CYTH1: variants seen among roughly 807,000 people sequenced by gnomAD.
CYTH1 encodes the protein cytohesin 1.
CYTH1 carries 18 observed loss-of-function variants against 61.8 expected under a neutral mutation model. The ratio of observed to expected loss-of-function variants is 0.29; its 90% CI spans 0.20 to 0.43. The LOEUF is 0.43. Among genes scored for constraint, CYTH1 ranks in the 20% least tolerant of loss-of-function variants. CYTH1 has a pLI of 1.00. For missense variants in CYTH1, 336 were observed against 510.5 expected, an observed-to-expected ratio of 0.66 and a Z score of 3.29; for synonymous variants, 174 against 184.3, an observed-to-expected ratio of 0.94 and a Z score of 0.45.
At chr17:78,707,968 C>T (rs34647716) in intron 3 of CYTH1, among the ~76,000 whole-genome samples, 10,375 of 152,156 alleles carry the variant, frequency 0.068, 720 homozygotes, top group African/African-American at 0.17. Flanking sequence ...CGTGAGCCAC[C>T]GCGCCCGGCC....
chr17:78,749,675 C>A (rs947395524), intron 1 of CYTH1, among the ~76,000 whole-genome samples: 2 of 151,564 alleles, frequency 1.3e-5, no homozygotes, highest in East Asian at 2.0e-4. Context: ...TAAAAAAAAA[C>A]CTAACTAAGC....
intron 1 of CYTH1, among the ~76,000 whole-genome samples, chr17:78,711,294 AAATAAATAATAT>A (rs774879254): frequency 3.5e-5 from 4 of 114,002 alleles, no homozygotes; most frequent in East Asian, 2.3e-4. Context: ...ATAAATAAAT[AAATAAATAATAT>A]ATATATATAC....
At chr17:78,750,919 C>G (rs1257058720) in intron 1 of CYTH1, among the ~76,000 whole-genome samples, 1 of 152,066 alleles carries the variant, frequency 6.6e-6, no homozygotes, top group Non-Finnish European at 1.5e-5. Context: ...CTTTTGTCAA[C>G]TGAACAATAC....
chr17:78,704,473 A>G (rs1222096261), intron 3 of CYTH1, among the ~76,000 whole-genome samples: 1 of 152,082 alleles, frequency 6.6e-6, no homozygotes, highest in Non-Finnish European at 1.5e-5. Context: ...AGCTAAATCC[A>G]TGGAGGGAAG....
intron 1 of CYTH1, among the ~76,000 whole-genome samples, chr17:78,758,553 A>T (rs1471511737): frequency 6.6e-6 from 1 of 152,114 alleles, no homozygotes; most frequent in African/African-American, 2.4e-5. Flanking sequence ...AAAAATAAAA[A>T]ATTAGCCGGG....
chr17:78,708,126 A>G (rs1056281578), intron 3 of CYTH1, 71 bp downstream of exon 3: 4 of 1,483,160 alleles, frequency 2.7e-6, no homozygotes, highest in East Asian at 2.3e-5. Context: ...GTGCCACGTA[A>G]GCATAATTAA....
At chr17:78,782,128 G>A (rs1598937995) in intron 1 of CYTH1, 74 bp downstream of exon 1, 7 of 1,196,688 alleles carry the variant, frequency 5.8e-6, no homozygotes, top group East Asian at 3.6e-5. Flanking sequence ...CGCCGCAAGC[G>A]CTGCCGGACG....
At chr17:78,699,596 C>T (rs1325033846) in intron 7 of CYTH1, among the ~76,000 whole-genome samples, 2 of 152,182 alleles carry the variant, frequency 1.3e-5, no homozygotes, top group African/African-American at 4.8e-5. Flanking sequence ...CATAATCCCA[C>T]TATCTAGCAA....
At chr17:78,733,383 C>T (rs577598307) in intron 1 of CYTH1, among the ~76,000 whole-genome samples, 25 of 152,282 alleles carry the variant, frequency 1.6e-4, no homozygotes, top group Middle Eastern at 6.8e-3. Flanking sequence ...TCAATGAGTA[C>T]AAATAATCTA....
At chr17:78,749,156 C>T (rs560206710) in intron 1 of CYTH1, among the ~76,000 whole-genome samples, 68 of 152,258 alleles carry the variant, frequency 4.5e-4, no homozygotes, top group African/African-American at 1.5e-3. Flanking sequence ...AATCCCAGCA[C>T]TTTGGGAGGC....
chr17:78,702,280 G>A (rs766440627), intron 4 of CYTH1, 40 bp from the exon 5 acceptor site: 18 of 1,525,744 alleles, frequency 1.2e-5, no homozygotes, highest in Admixed American at 1.7e-5. Context: ...TGCTTTGCTG[G>A]GAAACAGTTG....
chr17:78,748,261 A>C, intron 1 of CYTH1, among the ~76,000 whole-genome samples: 1 of 152,248 alleles, frequency 6.6e-6, no homozygotes, highest in South Asian at 2.1e-4. Flanking sequence ...ACTCTATGGA[A>C]CCAGCTTGGC....
intron 1 of CYTH1, among the ~76,000 whole-genome samples, chr17:78,712,178 GAGGT>G (rs140600196): frequency 0.11 from 14,071 of 123,492 alleles, 979 homozygotes; most frequent in Middle Eastern, 0.18. Flanking sequence ...GGGAGGGAGG[GAGGT>G]AGGAGAGAGA....
chr17:78,696,844 C>T (rs1282793390), intron 9 of CYTH1: 1 of 152,168 alleles, frequency 6.6e-6, no homozygotes, highest in Admixed American at 6.5e-5. Flanking sequence ...GAAGTAAATC[C>T]AAACTTGAAC....
At chr17:78,766,902 TGTG>T (rs1326952115) in intron 1 of CYTH1, among the ~76,000 whole-genome samples, 1 of 152,184 alleles carries the variant, frequency 6.6e-6, no homozygotes, top group East Asian at 1.9e-4. Context: ...AAATCTAGCT[TGTG>T]GTGCCAGCTC....
intron 1 of CYTH1, among the ~76,000 whole-genome samples, chr17:78,771,193 GCAGAGGTTAA>G (rs547288024): frequency 6.6e-4 from 101 of 152,182 alleles, no homozygotes; most frequent in African/African-American, 2.0e-3. Flanking sequence ...AACCTGGGAG[GCAGAGGTTAA>G]GAGAGCTGAG....
Position 78,717,664 on chromosome 17 carries a change from C to T in CYTH1, c.23-7932G>A, listed in dbSNP as rs1161234603. The stretch of plus-strand genomic sequence containing the variant: ...GGGCTCTAGTCTAAAATCCTGCAAC[C>T]CGCGCTCCACCGGCCACAGGCAGAT... On this transcript the variant is annotated intron_variant, in intron 1 of 13. Transcript: ENST00000446868. This position sits in a 1 kb window ranked among gnomAD's most constrained non-coding sequence, Gnocchi z 4.4. 1.3e-5 allele frequency among the ~76,000 whole-genome samples: 2 copies of T among 152,036 alleles called. No individual in the cohort carries two copies. The highest frequency in any genetic ancestry group is 4.8e-5 in the African/African-American group (2 of 41,400).
At chr17:78,735,383 A>C (rs1254888135) in intron 1 of CYTH1, among the ~76,000 whole-genome samples, 1 of 152,250 alleles carries the variant, frequency 6.6e-6, no homozygotes, top group East Asian at 1.9e-4. Context: ...CTGTCCCAGC[A>C]TAGTCACTAG....
intron 1 of CYTH1, among the ~76,000 whole-genome samples, chr17:78,773,582 T>C (rs756077130): frequency 2.0e-5 from 3 of 151,690 alleles, no homozygotes; most frequent in South Asian, 2.1e-4. Context: ...TGAGCCGAGA[T>C]TGTGCCACTG....
Sources: gnomAD v4.1 joint callset for allele counts (sites outside exome capture counted in the v4.1 genomes callset) on GRCh38, gnomAD v4.1.1 for gene constraint, Gnocchi (gnomAD v3.1) non-coding constraint, MANE v1.5 for transcripts, NCBI Gene and HGNC (gene_info 2026-07-23, HGNC 2026-07-21) for gene names.